Variants in UBFD1 observed in about 807,000 individuals in gnomAD.
UBFD1 encodes the protein ubiquitin family domain containing 1.
UBFD1 carries 12 observed loss-of-function variants against 35.1 expected under a neutral mutation model. The observed-to-expected ratio is 0.34, with a 90% CI of 0.22 to 0.55. The LOEUF is 0.55. Among genes scored for constraint, UBFD1 ranks in the 20% least tolerant of loss-of-function variants. UBFD1 has a pLI of 0.89. For synonymous variants in UBFD1, 178 were observed against 167.6 expected, an observed-to-expected ratio of 1.06 and a Z score of -0.48; for missense variants, 337 against 410.8, an observed-to-expected ratio of 0.82 and a Z score of 1.55.
rs747359775 is a variant in UBFD1 at position 23,558,130 on chromosome 16, C to T, written c.206C>T (p.Ala69Val). 1.2e-6 allele frequency: 2 copies of T among 1,602,146 alleles called. No individual in the cohort carries two copies. Among genetic ancestry groups the T allele is most frequent in the Non-Finnish European group, 1.7e-6 (2 of 1,175,382 alleles). Residue 69 changes from alanine to valine, a missense_variant, in exon 2 of 7, where the codon GCC becomes GTC. Physicochemically the swap from Ala to Val is moderately conservative, Grantham distance 64. Around this residue, in one of 4 missense-constraint regions of UBFD1, gnomAD observed 198 missense variants for 168.4 expected, o/e 1.18. Coordinates refer to ENST00000395878, the MANE Select transcript of UBFD1 (RefSeq NM_019116.3). The part of the protein sequence containing the change: ...AQPPGDPAAQ[A>V]SVSNGEDAGG... ...CCCCCTGGGGACCCCGCAGCCCAGG[C>T]CTCGGTCAGCAACGGCGAAGACGCG...
intron 2 of UBFD1, among the ~76,000 whole-genome samples, chr16:23,558,496 C>T (rs1443434023): frequency 1.3e-5 from 2 of 152,164 alleles, no homozygotes; most frequent in African/African-American, 4.8e-5. Context: ...CGAAGTCTGA[C>T]GTTTAGGCCC....
intron 3 of UBFD1, among the ~76,000 whole-genome samples, chr16:23,560,384 T>C (rs1402236601): frequency 6.6e-6 from 1 of 152,228 alleles, no homozygotes; most frequent in Non-Finnish European, 1.5e-5. Context: ...TGGCAAATTA[T>C]ACTGATTGCT....
intron 3 of UBFD1, 90 bp downstream of exon 3, chr16:23,559,766 C>A: frequency 6.4e-7 from 1 of 1,570,986 alleles, no homozygotes; most frequent in East Asian, 2.4e-5. Flanking sequence ...AGAATAAGCT[C>A]CTTTTTGGAC....
intron 3 of UBFD1, chr16:23,559,880 T>G: frequency 6.5e-7 from 1 of 1,531,664 alleles, no homozygotes; most frequent in Non-Finnish European, 8.7e-7. Flanking sequence ...TCAGTGTGTC[T>G]CAAGTCTACC....
chr16:23,559,202 A>G, intron 2 of UBFD1: 1 of 332,286 alleles, frequency 3.0e-6, no homozygotes. Context: ...CTTACTGAAC[A>G]ATTATTCAAT....
intron 6 of UBFD1, among the ~76,000 whole-genome samples, chr16:23,567,342 C>T (rs1343348611): frequency 6.6e-6 from 1 of 152,164 alleles, no homozygotes; most frequent in East Asian, 1.9e-4. Flanking sequence ...CTCTTGCCTC[C>T]CTCTTGTCGT....
chr16:23,565,677 C>T (rs903245432), intron 5 of UBFD1: 2 of 152,198 alleles, frequency 1.3e-5, no homozygotes, highest in Non-Finnish European at 2.9e-5. Flanking sequence ...CTGAGGCCCA[C>T]AGAACTGAAG....
Position 23,572,315 on chromosome 16 carries a change from C to G in UBFD1, c.*1725C>G, listed in dbSNP as rs977532444. 10 of 152,358 alleles carry G rather than the reference C, an allele frequency of 6.6e-5. No individual in the cohort carries two copies. The highest frequency in any genetic ancestry group is 2.4e-4 in the African/African-American group (10 of 41,560). The allele number at this position is 152,358 out of a possible 1,614,324, so 9.4% of individuals were successfully genotyped here. ...TCCCTTGAGAAAGGAGCAGTCATTG[C>G]AGCTTTTCTGTCCTTGTCGGCCTGC... On this transcript the variant is annotated 3_prime_UTR_variant, in exon 7 of 7. Transcript: ENST00000395878.
At chr16:23,562,298 C>T in intron 4 of UBFD1, 27 bp downstream of exon 4, 1 of 1,608,956 alleles carries the variant, frequency 6.2e-7, no homozygotes, top group African/African-American at 1.3e-5. Context: ...TGTGAGCATT[C>T]TGAAAATGAG....
rs754979954 is a variant in UBFD1 at position 23,559,617 on chromosome 16, G to T, written c.505G>T (p.Ala169Ser). 6.2e-7 allele frequency: 1 copy of T among 1,614,248 alleles called. No individual in the cohort carries two copies. The highest frequency in any genetic ancestry group is 1.3e-5 in the African/African-American group (1 of 75,064). Residue 169 changes from alanine to serine, a missense_variant, in exon 3 of 7, where the codon GCT becomes TCT. By Grantham distance (99) the Ala-to-Ser change is moderately conservative (BLOSUM62 1). Transcript: ENST00000395878. ...TTTAGCAGTAAACACACCCAAAGAT[G>T]CTGCGCAGCAGGATGCAAAGGCCGA... ...DVLAVNTPKDAAQQDAKAEEN... is the reference protein window; with the variant it reads ...DVLAVNTPKDSAQQDAKAEEN...
chr16:23,561,579 G>A (rs1046407903), intron 3 of UBFD1: 3 of 152,210 alleles, frequency 2.0e-5, no homozygotes, highest in African/African-American at 7.2e-5. Flanking sequence ...TTTCTGAAAG[G>A]TGGCTCTTCC....
chr16:23,561,087 G>A (rs1376622875), intron 3 of UBFD1, among the ~76,000 whole-genome samples: 1 of 152,204 alleles, frequency 6.6e-6, no homozygotes, highest in Non-Finnish European at 1.5e-5. Flanking sequence ...GGTGTGACTC[G>A]AATTGTACTT....
At position 23,557,751 on chromosome 16, in the gene UBFD1, G is replaced by T; in HGVS notation, c.9G>T (p.Ala3=). 7.6e-7 allele frequency: 1 copy of T among 1,309,972 alleles called. No individual in the cohort carries two copies. Among genetic ancestry groups the T allele is most frequent in the East Asian group, 3.0e-5 (1 of 33,156 alleles). The allele number at this position is 1,309,972 out of a possible 1,614,324, so 81.1% of individuals were successfully genotyped here. Residue 3 remains alanine, a synonymous_variant, in exon 1 of 7, where the codon GCG becomes GCT. Transcript: ENST00000395878. Reference sequence around the variant, plus strand: ...TGTTGTACACAATCATCATGGCGGCGGCCGGGGCCCCGGATGGTGAGTGCG... The same window carrying T: ...TGTTGTACACAATCATCATGGCGGCTGCCGGGGCCCCGGATGGTGAGTGCG... MA[A]AGAPDGMEEP...
rs1965853524 is a variant in UBFD1 at position 23,558,167 on chromosome 16, G to C, written c.243G>C (p.Ala81=). The part of the protein sequence containing the change: ...VSNGEDAGGG[A]GRELVDLKII... ...ACGGCGAAGACGCGGGCGGCGGCGC[G>C]GGCAGGGAGCTGGTGGACTTGAAGA... Residue 81 remains alanine (A), a synonymous_variant, in exon 2 of 7, where the codon GCG becomes GCC. Coordinates refer to ENST00000395878, the MANE Select transcript of UBFD1 (RefSeq NM_019116.3). The C allele has an allele frequency of 6.2e-7, 1 of 1,605,558 alleles. No individual in the cohort carries two copies. The highest frequency in any genetic ancestry group is 8.5e-7 in the Non-Finnish European group (1 of 1,176,778).
intron 2 of UBFD1, among the ~76,000 whole-genome samples, chr16:23,558,682 G>C (rs1194114436): frequency 6.6e-6 from 1 of 152,138 alleles, no homozygotes; most frequent in African/African-American, 2.4e-5. Context: ...TTTAGGAAAC[G>C]CTGCTATTGA....
chr16:23,570,290 T>C (rs144255582), intron 6 of UBFD1, among the ~76,000 whole-genome samples, 190 bp from the exon 7 acceptor site: 1 of 152,288 alleles, frequency 6.6e-6, no homozygotes, highest in African/African-American at 2.4e-5. Context: ...TGCTTTAGGG[T>C]TGGCTCAGCT....
Position 23,558,166 on chromosome 16 carries a change from C to G in UBFD1, c.242C>G (p.Ala81Gly). Reference sequence around the variant, plus strand: ...AACGGCGAAGACGCGGGCGGCGGCGCGGGCAGGGAGCTGGTGGACTTGAAG... The same window carrying G: ...AACGGCGAAGACGCGGGCGGCGGCGGGGGCAGGGAGCTGGTGGACTTGAAG... The part of the protein sequence containing the change: ...VSNGEDAGGG[A>G]GRELVDLKII... The change falls in exon 2 of 7, where the codon GCG (alanine) becomes GGG (glycine). Residue 81 changes from alanine to glycine, a missense_variant. Coordinates refer to ENST00000395878, the MANE Select transcript of UBFD1 (RefSeq NM_019116.3). The G allele has an allele frequency of 2.5e-6, 4 of 1,605,530 alleles. No individual in the cohort carries two copies. The highest frequency in any genetic ancestry group is 1.1e-5 in the South Asian group (1 of 89,930).
At chr16:23,563,925 T>G (rs1025610589) in intron 5 of UBFD1, 1 of 152,270 alleles carries the variant, frequency 6.6e-6, no homozygotes, top group African/African-American at 2.4e-5. Flanking sequence ...AATGAAGCCT[T>G]CCTTGATTCT....
chr16:23,560,979 T>G (rs1965924674), intron 3 of UBFD1, among the ~76,000 whole-genome samples: 1 of 152,222 alleles, frequency 6.6e-6, no homozygotes. Flanking sequence ...GAGCATAACA[T>G]GCCTCCTAAA....
Sources: allele counts gnomAD v4.1 joint callset (sites outside exome capture counted in the v4.1 genomes callset), GRCh38; gene constraint gnomAD v4.1.1; regional missense constraint gnomAD v4.1.1; transcripts MANE v1.5; gene names NCBI Gene and HGNC (gene_info 2026-07-23, HGNC 2026-07-21).